SCN8A: variants seen among roughly 807,000 people sequenced by gnomAD.
SCN8A encodes the protein sodium channel protein type 8 subunit alpha.
Under a neutral mutation model 184.1 loss-of-function variants are expected in SCN8A, and 30 were observed. That is an observed-to-expected ratio of 0.16 (90% CI 0.12 to 0.22). The LOEUF (loss-of-function observed/expected upper bound fraction) is 0.22, where lower values mean the gene tolerates loss of function less well. Among genes scored for constraint, SCN8A ranks in the 10% least tolerant of loss-of-function variants. The pLI, the probability that SCN8A is intolerant of heterozygous loss-of-function variation, is 1.00. For synonymous variants in SCN8A, 852 were observed against 907.0 expected (o/e 0.94, Z 1.09); for missense variants, 1,057 against 2,498.9 (o/e 0.42, Z 12.30).
chr12:51,750,799 AAT>A (rs1491525217), intron 13 of SCN8A, among the ~76,000 whole-genome samples: 2 of 152,210 alleles, frequency 1.3e-5, no homozygotes, highest in Admixed American at 1.3e-4. Context: ...TTTGAACTCA[AAT>A]ATGTCTGGCT....
chr12:51,611,132 A>G (rs1204372860), intron 1 of SCN8A, among the ~76,000 whole-genome samples: 3 of 152,076 alleles, frequency 2.0e-5, no homozygotes, highest in East Asian at 3.9e-4. Context: ...TCCTTTCATC[A>G]GCATCTTATA....
At chr12:51,699,464 A>C (rs1218230397) in intron 6 of SCN8A, 106 bp from the exon 7 acceptor site, 2 of 683,646 alleles carry the variant, frequency 2.9e-6, no homozygotes, top group Non-Finnish European at 4.9e-6. Flanking sequence ...CCATATTTCA[A>C]GAGTGGTGCT....
At chr12:51,773,129 A>AAAG (rs1555226726) in intron 19 of SCN8A, among the ~76,000 whole-genome samples, 54 of 152,010 alleles carry the variant, frequency 3.6e-4, no homozygotes, top group African/African-American at 1.3e-3. Flanking sequence ...AAAAAAAAAA[A>AAAG]AGAGAGAAAG....
rs193021475 is a variant in SCN8A, at chr12:51,807,702, A to G, written c.*273A>G. ...ATCAGTCAATGCAACTTAGGACAAAACTAACCAGATACAGAAACAGAAGAG... is the reference window on the plus strand; with the variant it reads ...ATCAGTCAATGCAACTTAGGACAAAGCTAACCAGATACAGAAACAGAAGAG... On this transcript the variant is annotated 3_prime_UTR_variant, in exon 27 of 27. Coordinates refer to ENST00000627620, the MANE Select transcript of SCN8A (RefSeq NM_001330260.2). The surrounding 1 kb of genome is among the most constrained non-coding windows in gnomAD (Gnocchi z 4.5). The G allele has an allele frequency of 2.1e-6, 1 of 466,442 alleles. No homozygotes were observed. The highest frequency in any genetic ancestry group is 3.6e-5 in the East Asian group (1 of 27,424). The allele number at this position is 466,442 out of a possible 1,614,324, so 28.9% of individuals were successfully genotyped here.
At chr12:51,720,517 A>G (rs1397693856) in intron 11 of SCN8A, among the ~76,000 whole-genome samples, 3 of 151,718 alleles carry the variant, frequency 2.0e-5, no homozygotes, top group Admixed American at 2.0e-4. Flanking sequence ...TGATGAGTTA[A>G]TGGGTGCAGC....
chr12:51,761,462 T>TTTA (rs1412567016), intron 14 of SCN8A, among the ~76,000 whole-genome samples: 1 of 149,096 alleles, frequency 6.7e-6, no homozygotes, highest in East Asian at 1.9e-4. Flanking sequence ...TATTTATTTA[T>TTTA]TTATTATTAT....
At chr12:51,678,494 A>T (rs1941264957) in intron 2 of SCN8A, among the ~76,000 whole-genome samples, 1 of 152,220 alleles carries the variant, frequency 6.6e-6, no homozygotes, top group East Asian at 1.9e-4. Flanking sequence ...GAATTTTCTA[A>T]ATCGTAGAAT....
intron 1 of SCN8A, among the ~76,000 whole-genome samples, chr12:51,640,296 A>C (rs1279657423): frequency 1.5e-5 from 2 of 129,974 alleles, no homozygotes; most frequent in African/African-American, 5.9e-5. Context: ...AGCATAGCAT[A>C]AACATAACTT....
chr12:51,762,458 C>G (rs759767168), intron 14 of SCN8A, 45 bp from the exon 15 acceptor site: 2 of 1,553,128 alleles, frequency 1.3e-6, no homozygotes, highest in Non-Finnish European at 1.8e-6. Flanking sequence ...AAGGCATTCT[C>G]TTTCTACTAT....
intron 26 of SCN8A, among the ~76,000 whole-genome samples, chr12:51,803,057 G>A (rs1033236416): frequency 6.6e-6 from 1 of 152,206 alleles, no homozygotes; most frequent in Non-Finnish European, 1.5e-5. Flanking sequence ...TGATCACAAG[G>A]TGAAGTCCCA....
intron 1 of SCN8A, among the ~76,000 whole-genome samples, chr12:51,612,027 T>C (rs1939730688): frequency 1.3e-5 from 2 of 152,128 alleles, no homozygotes; most frequent in South Asian, 2.1e-4. Context: ...GTTTCTTTTT[T>C]CCCCCATTTT....
At chr12:51,790,255 G>A (rs1228072246) in intron 24 of SCN8A, 143 bp from the exon 25 acceptor site, 5 of 551,504 alleles carry the variant, frequency 9.1e-6, no homozygotes, top group Non-Finnish European at 1.6e-5. Flanking sequence ...GATTATCGCG[G>A]GTCTACCCCA....
intron 11 of SCN8A, among the ~76,000 whole-genome samples, chr12:51,709,639 G>C (rs1384313337): frequency 1.3e-5 from 2 of 152,242 alleles, no homozygotes; most frequent in Middle Eastern, 6.8e-3. Flanking sequence ...CATGTTGAGT[G>C]GGGAGTGGAG....
At chr12:51,776,298 A>G (rs1419235150) in intron 20 of SCN8A, among the ~76,000 whole-genome samples, 2 of 152,308 alleles carry the variant, frequency 1.3e-5, no homozygotes, top group East Asian at 1.9e-4. Flanking sequence ...TTTTATGGCT[A>G]TACGCAAGGT....
chr12:51,785,651 G>T (rs1394772461), intron 21 of SCN8A, among the ~76,000 whole-genome samples: 7 of 152,032 alleles, frequency 4.6e-5, no homozygotes, highest in African/African-American at 1.2e-4. Context: ...TTCCTAAGGG[G>T]TTTTTTTCTT....
intron 21 of SCN8A, among the ~76,000 whole-genome samples, chr12:51,782,541 C>T (rs1297273257): frequency 6.6e-6 from 1 of 152,216 alleles, no homozygotes; most frequent in Non-Finnish European, 1.5e-5. Context: ...CCTCCGCATC[C>T]CCTTACGGTG....
At chr12:51,685,576 C>T (rs766814743) in intron 3 of SCN8A, among the ~76,000 whole-genome samples, 1 of 152,198 alleles carries the variant, frequency 6.6e-6, no homozygotes, top group African/African-American at 2.4e-5. Context: ...TGGACACTTT[C>T]AGAATGGATT....
chr12:51,626,161 A>G (rs576508916), intron 1 of SCN8A, among the ~76,000 whole-genome samples: 31 of 152,282 alleles, frequency 2.0e-4, no homozygotes, highest in African/African-American at 7.2e-4. Context: ...GAATTGGCCA[A>G]TTTGAATAAT....
rs1060504137 is a variant in SCN8A, at chr12:51,688,756, A to C, written c.615-249A>C. ...CAAGTTAACTTTGGTTTGATTCTGCAGGTATATAACAGAGTTTGTAAACCT... is the reference window on the plus strand; with the variant it reads ...CAAGTTAACTTTGGTTTGATTCTGCCGGTATATAACAGAGTTTGTAAACCT... On this transcript the variant is annotated intron_variant, in intron 5 of 26. Coordinates refer to ENST00000627620, the MANE Select transcript of SCN8A (RefSeq NM_001330260.2). The C allele has an allele frequency of 6.2e-7, 1 of 1,611,600 alleles. No homozygotes were observed. The highest frequency in any genetic ancestry group is 8.5e-7 in the Non-Finnish European group (1 of 1,177,712).
Sources: gnomAD v4.1 joint callset for allele counts (sites outside exome capture counted in the v4.1 genomes callset) on GRCh38, gnomAD v4.1.1 for gene constraint, Gnocchi (gnomAD v3.1) non-coding constraint, MANE v1.5 for transcripts, NCBI Gene and HGNC (gene_info 2026-07-23, HGNC 2026-07-21) for gene names.